Variants in EYA4 observed in about 807,000 individuals in gnomAD.
EYA4 encodes protein phosphatase EYA4.
Under a neutral mutation model 87.9 loss-of-function variants are expected in EYA4, and 31 were observed. The observed-to-expected ratio is 0.35, with a 90% CI of 0.27 to 0.48. EYA4 has a LOEUF of 0.48. Ranked by LOEUF, EYA4 falls within the 20% of genes least tolerant of loss-of-function variation. EYA4 has a pLI of 0.99. For missense variants in EYA4, 678 were observed against 761.4 expected (o/e 0.89, Z 1.29); for synonymous variants, 263 against 270.6 (o/e 0.97, Z 0.28).
intron 2 of EYA4, 94 bp downstream of exon 2, chr6:133,274,907 C>T: frequency 2.1e-6 from 2 of 938,454 alleles, no homozygotes; most frequent in East Asian, 5.0e-5. Context: ...GTAAGTTTTT[C>T]ATTAAATATA....
chr6:133,258,735 T>G (rs2128239842), intron 1 of EYA4, among the ~76,000 whole-genome samples: 1 of 152,196 alleles, frequency 6.6e-6, no homozygotes, highest in South Asian at 2.1e-4. Context: ...TCCCGGGGGC[T>G]TTTTAGGTCC....
chr6:133,455,503 G>A lies in EYA4; in HGVS notation c.278-1053G>A, dbSNP rs1045361471. Among the ~76,000 whole-genome samples, 8 of 152,080 alleles carry A rather than the reference G, an allele frequency of 5.3e-5. No individual in the cohort carries two copies. The South Asian group carries it at 8.3e-4, about 16-fold the overall frequency. On this transcript the variant is annotated intron_variant, in intron 5 of 19. Transcript: ENST00000355286. ...TGTGGAAAAGAGCATAATCATTACC[G>A]CATGGTTTTCTATCAATTAATTTCT...
At chr6:133,268,922 C>T (rs1163168844) in intron 1 of EYA4, among the ~76,000 whole-genome samples, 5 of 152,156 alleles carry the variant, frequency 3.3e-5, no homozygotes, top group East Asian at 1.9e-4. Flanking sequence ...AAAACACCAC[C>T]GTAAATCTAG....
intron 1 of EYA4, among the ~76,000 whole-genome samples, chr6:133,264,279 G>A (rs1266830710): frequency 2.6e-5 from 4 of 152,290 alleles, no homozygotes; most frequent in East Asian, 3.9e-4. Flanking sequence ...TTGGCAGAGC[G>A]GTACTACCGC....
intron 2 of EYA4, among the ~76,000 whole-genome samples, chr6:133,299,174 T>C (rs1376948634): frequency 6.6e-6 from 1 of 152,164 alleles, no homozygotes; most frequent in Non-Finnish European, 1.5e-5. Flanking sequence ...TCCAATGGGA[T>C]GTCCTCAGGG....
intron 2 of EYA4, among the ~76,000 whole-genome samples, chr6:133,354,426 G>T (rs981034177): frequency 6.6e-6 from 1 of 152,162 alleles, no homozygotes; most frequent in East Asian, 1.9e-4. Context: ...AATAGAGGAA[G>T]AAGATAAAGA....
At position 133,399,810 on chromosome 6, in the gene EYA4, TA is replaced by T. The variant is rs1788105992; in HGVS notation, c.83+17371del. ...GATTTCCAGAGTAGGTTTCTTAAAA[TA>T]ATTTTGATGGGAAGGTAATTGTTTA... is the stretch of plus-strand genomic sequence containing the variant. On this transcript the variant is annotated intron_variant, in intron 3 of 19. Transcript: ENST00000355286. Among the ~76,000 whole-genome samples, 4 of 152,334 alleles carry T rather than the reference TA, an allele frequency of 2.6e-5. No individual in the cohort carries two copies. The South Asian group carries it at 8.3e-4, about 32-fold the overall frequency.
rs79247823 is a variant in EYA4, at chr6:133,447,162, G to A, written c.208+408G>A. ...AATTATAAACATTTTTCTTAAAAATGTTTCTTCTTAAAAGTGCTTTTTTAA... is the reference window on the plus strand; with the variant it reads ...AATTATAAACATTTTTCTTAAAAATATTTCTTCTTAAAAGTGCTTTTTTAA... On this transcript the variant is annotated intron_variant, in intron 4 of 19. Coordinates refer to ENST00000355286, the MANE Select transcript of EYA4 (RefSeq NM_004100.5). Among the ~76,000 whole-genome samples, 15 of 152,066 alleles carry A rather than the reference G, an allele frequency of 9.9e-5. No homozygotes were observed. The East Asian group carries it at 1.4e-3, about 14-fold the overall frequency.
At chr6:133,401,248 G>A (rs898413787) in intron 3 of EYA4, among the ~76,000 whole-genome samples, 4 of 152,110 alleles carry the variant, frequency 2.6e-5, no homozygotes, top group Admixed American at 6.6e-5. Context: ...GCCAGGAAGG[G>A]TAGGAAGGAA....
chr6:133,301,257 T>G (rs1779383317), intron 2 of EYA4, among the ~76,000 whole-genome samples: 1 of 152,242 alleles, frequency 6.6e-6, no homozygotes, highest in Non-Finnish European at 1.5e-5. Flanking sequence ...GAGAATTTCC[T>G]TAAGGAAAAC....
chr6:133,480,897 G>A (rs1384927724), intron 11 of EYA4, among the ~76,000 whole-genome samples: 3 of 151,762 alleles, frequency 2.0e-5, no homozygotes, highest in African/African-American at 7.3e-5. Flanking sequence ...CCAGGTCAGA[G>A]GGAAGGACTT....
chr6:133,462,196 C>A, intron 7 of EYA4, 139 bp from the exon 8 acceptor site: 2 of 1,052,274 alleles, frequency 1.9e-6, no homozygotes, highest in Non-Finnish European at 2.9e-6. Flanking sequence ...CAGACTGTTG[C>A]TTTTTCCTAT....
chr6:133,407,706 T>C (rs1002323883), intron 3 of EYA4, among the ~76,000 whole-genome samples: 1 of 151,482 alleles, frequency 6.6e-6, no homozygotes, highest in East Asian at 2.0e-4. Context: ...AAATTCAACT[T>C]AGGGTTCTGA....
chr6:133,406,020 A>C (rs559485973), intron 3 of EYA4, among the ~76,000 whole-genome samples: 1 of 93,634 alleles, frequency 1.1e-5, no homozygotes, highest in South Asian at 3.8e-4. Context: ...TTATCTATCT[A>C]TCTACCTACC....
intron 2 of EYA4, among the ~76,000 whole-genome samples, chr6:133,331,566 A>C (rs1781963760): frequency 6.6e-6 from 1 of 152,230 alleles, no homozygotes; most frequent in Admixed American, 6.5e-5. Flanking sequence ...GGCATCATTA[A>C]TAATAAATGA....
intron 2 of EYA4, among the ~76,000 whole-genome samples, chr6:133,319,579 G>A (rs1424980689): frequency 6.6e-6 from 1 of 150,552 alleles, no homozygotes; most frequent in Non-Finnish European, 1.5e-5. Flanking sequence ...TGCTGTATCA[G>A]CTTTCTTTTG....
At chr6:133,332,797 C>T (rs945813468) in intron 2 of EYA4, among the ~76,000 whole-genome samples, 1 of 149,000 alleles carries the variant, frequency 6.7e-6, no homozygotes, top group Non-Finnish European at 1.5e-5. Context: ...CTCCTGACCT[C>T]GTGATCCGCC....
intron 3 of EYA4, among the ~76,000 whole-genome samples, chr6:133,441,807 G>A (rs1340136533): frequency 6.6e-6 from 1 of 152,032 alleles, no homozygotes; most frequent in African/African-American, 2.4e-5. Flanking sequence ...GAATGAGTCA[G>A]GGTGGAACAG....
intron 1 of EYA4, chr6:133,248,896 T>C (rs1424450265): frequency 6.6e-6 from 1 of 152,156 alleles, no homozygotes; most frequent in African/African-American, 2.4e-5. Context: ...TGTTTGTTTT[T>C]GCATTAACTT....
Sources: allele counts gnomAD v4.1 joint callset (sites outside exome capture counted in the v4.1 genomes callset), GRCh38; gene constraint gnomAD v4.1.1; transcripts MANE v1.5; gene names NCBI Gene and HGNC (gene_info 2026-07-23, HGNC 2026-07-21).